Variants in GPR161 observed in about 807,000 individuals in gnomAD.
GPR161 encodes G-protein coupled receptor RE2.
Under a neutral mutation model 39.2 loss-of-function variants are expected in GPR161, and 25 were observed. The observed-to-expected ratio is 0.64, with a 90% CI of 0.47 to 0.89. The LOEUF is 0.89. Ranked by LOEUF, GPR161 falls within the 40% of genes least tolerant of loss-of-function variation. GPR161 has a pLI of 0.00. For synonymous variants in GPR161, 286 were observed against 276.6 expected, an observed-to-expected ratio of 1.03 and a Z score of -0.34; for missense variants, 547 against 677.8, an observed-to-expected ratio of 0.81 and a Z score of 2.14.
At chr1:168,099,050 G>A (rs373197203) in intron 2 of GPR161, among the ~76,000 whole-genome samples, 7 of 152,286 alleles carry the variant, frequency 4.6e-5, no homozygotes, top group East Asian at 3.9e-4. Context: ...GAAAAGGCCC[G>A]GATGGTGCCT....
At chr1:168,104,973 T>A in intron 1 of GPR161, 79 bp from the exon 2 acceptor site, 1 of 1,123,798 alleles carries the variant, frequency 8.9e-7, no homozygotes, top group Non-Finnish European at 1.3e-6. Context: ...AAGAAAGGCT[T>A]AAAGGGGTTA....
At chr1:168,090,261 C>T (rs2102110336) in intron 4 of GPR161, among the ~76,000 whole-genome samples, 1 of 152,292 alleles carries the variant, frequency 6.6e-6, no homozygotes, top group South Asian at 2.1e-4. Context: ...TTATTATCAT[C>T]ACAATCATTT....
intron 1 of GPR161, among the ~76,000 whole-genome samples, chr1:168,121,418 G>A (rs1397495229): frequency 3.9e-5 from 6 of 152,074 alleles, no homozygotes; most frequent in Admixed American, 1.3e-4. Flanking sequence ...ATAGACTGTC[G>A]GTGAATTTTT....
intron 3 of GPR161, among the ~76,000 whole-genome samples, chr1:168,095,669 C>A (rs1420239149): frequency 6.6e-6 from 1 of 152,010 alleles, no homozygotes; most frequent in Admixed American, 6.6e-5. Flanking sequence ...CTGGGACCAT[C>A]TGAGGAGATC....
At position 168,096,805 on chromosome 1, in the gene GPR161, C is replaced by T. The variant is rs766711218; in HGVS notation, c.802G>A (p.Ala268Thr). 19 of 1,614,148 alleles carry T rather than the reference C, an allele frequency of 1.2e-5. No individual in the cohort carries two copies. Among genetic ancestry groups the T allele is most frequent in the Non-Finnish European group, 1.6e-5 (19 of 1,180,028 alleles). The part of the protein sequence containing the change: ...GVVYSANQCK[A>T]LITILVVLGA... ...AGGACCACCAGGATGGTGATGAGGG[C>T]TTTGCACTGGTTGGCCGAGTAGACC... The change falls in exon 3 of 6, where the codon GCC becomes ACC. Residue 268 changes from alanine to threonine, a missense_variant. Physicochemically the swap from Ala to Thr is moderately conservative, Grantham distance 58. Coordinates refer to ENST00000682931, the MANE Select transcript of GPR161 (RefSeq NM_001375883.1).
chr1:168,122,907 G>C lies in GPR161; in HGVS notation c.-45+13832C>G, dbSNP rs568511611. Among the ~76,000 whole-genome samples, 5 of 152,254 alleles carry C rather than the reference G, an allele frequency of 3.3e-5. No homozygotes were observed. In the South Asian group the frequency reaches 8.3e-4, roughly 25 times the overall value. ...AGACTGTAGGTTCCATGAGGGCAAG[G>C]AAATTTTGGTCTGCAAATTTTCCGA... On this transcript the variant is annotated intron_variant, in intron 1 of 5. Transcript: ENST00000682931.
intron 1 of GPR161, among the ~76,000 whole-genome samples, chr1:168,132,314 G>A (rs534387154): frequency 9.9e-4 from 150 of 151,620 alleles, no homozygotes; most frequent in African/African-American, 3.4e-3. Flanking sequence ...CAAGCCGGGC[G>A]CTGTGGCTCT....
In GPR161 at chr1:168,083,972, CAG is replaced by C. The variant is rs1694248025; in HGVS notation, c.*1557_*1558del. 6.6e-6 allele frequency: 1 copy of C among 152,290 alleles called. No individual in the cohort carries two copies. The highest frequency in any genetic ancestry group is 2.4e-5 in the African/African-American group (1 of 41,464). The allele number at this position is 152,290 out of a possible 1,614,324, so 9.4% of individuals were successfully genotyped here. Reference sequence around the variant, plus strand: ...GGAATCTACCTTCTGCCAACCAAAGCAGAGAAGTCCTGAACTTATTTAGTCAT... The same window carrying C: ...GGAATCTACCTTCTGCCAACCAAAGCAGAAGTCCTGAACTTATTTAGTCAT... On this transcript the variant is annotated 3_prime_UTR_variant, in exon 6 of 6. Coordinates refer to ENST00000682931, the MANE Select transcript of GPR161 (RefSeq NM_001375883.1).
At chr1:168,105,203 A>G (rs1696496867) in intron 1 of GPR161, among the ~76,000 whole-genome samples, 1 of 152,182 alleles carries the variant, frequency 6.6e-6, no homozygotes, top group African/African-American at 2.4e-5. Context: ...CCAGTTTAGA[A>G]AGCTGATCCT....
At chr1:168,093,878 C>G (rs1329518394) in intron 3 of GPR161, among the ~76,000 whole-genome samples, 1 of 152,230 alleles carries the variant, frequency 6.6e-6, no homozygotes, top group Non-Finnish European at 1.5e-5. Context: ...CAGACTCTTA[C>G]TGATGCTGCT....
chr1:168,104,790 C>T lies in GPR161; in HGVS notation c.61G>A (p.Gly21Ser), dbSNP rs764626711. 1 of 1,613,758 alleles carries T rather than the reference C, an allele frequency of 6.2e-7. No homozygotes were observed. The highest frequency in any genetic ancestry group is 8.5e-7 in the Non-Finnish European group (1 of 1,179,818). Residue 21 changes from glycine to serine, a missense_variant, in exon 2 of 6, where the codon GGT becomes AGT. Gly to Ser is a moderately conservative substitution (Grantham distance 56, BLOSUM62 0). Coordinates refer to ENST00000682931, the MANE Select transcript of GPR161 (RefSeq NM_001375883.1). ...KELSNLTEEE[G>S]GEGGVIITQF... The stretch of plus-strand genomic sequence containing the variant: ...GTGATGATGACGCCCCCTTCGCCAC[C>T]CTCCTCCTCAGTGAGATTACTCAGC...
intron 1 of GPR161, among the ~76,000 whole-genome samples, chr1:168,132,996 C>T (rs1250854409): frequency 1.3e-5 from 2 of 152,184 alleles, no homozygotes; most frequent in Admixed American, 6.5e-5. Flanking sequence ...CTGCCTGCCT[C>T]GGCCTCCCAA....
At chr1:168,101,455 G>A (rs1056576412) in intron 2 of GPR161, among the ~76,000 whole-genome samples, 1 of 152,180 alleles carries the variant, frequency 6.6e-6, no homozygotes, top group African/African-American at 2.4e-5. Flanking sequence ...GGCTCGAAAT[G>A]TCAACAGTGC....
At chr1:168,119,251 T>TGTGTAC (rs1269554458) in intron 1 of GPR161, among the ~76,000 whole-genome samples, 16 of 117,386 alleles carry the variant, frequency 1.4e-4, no homozygotes, top group South Asian at 2.5e-4. Flanking sequence ...TACACATATA[T>TGTGTAC]ATATACGTAT....
In GPR161 at chr1:168,096,871, TG is replaced by T; in HGVS notation, c.735del (p.Thr246ProfsTer77). The T allele has an allele frequency of 6.2e-7, 1 of 1,613,706 alleles. No homozygotes were observed. Among genetic ancestry groups the T allele is most frequent in the Non-Finnish European group, 8.5e-7 (1 of 1,179,934 alleles). ...QRTGRKNSST[S>X]TSSSGSRRNA... is the part of the protein sequence containing the mutation. ...TTCCTCCTGCTGCCTGAAGAGGAGG[TG>T]GAGGTGCTGGAGTTCTTCCTCCCGG... is the stretch of plus-strand genomic sequence containing the variant. On this transcript the variant is annotated frameshift_variant, in exon 3 of 6. Coordinates refer to ENST00000682931, the MANE Select transcript of GPR161 (RefSeq NM_001375883.1). LOFTEE classifies it high-confidence loss of function.
intron 1 of GPR161, among the ~76,000 whole-genome samples, chr1:168,135,713 G>T (rs1699302755): frequency 2.0e-5 from 3 of 152,222 alleles, no homozygotes; most frequent in Admixed American, 2.0e-4. Context: ...GAGCCACAAG[G>T]ATGGCCATCC....
chr1:168,109,310 T>C (rs1431091198), intron 1 of GPR161, among the ~76,000 whole-genome samples: 1 of 152,052 alleles, frequency 6.6e-6, no homozygotes, highest in Non-Finnish European at 1.5e-5. Flanking sequence ...TTAAAAAAAG[T>C]CAAACTTGAA....
At chr1:168,094,055 A>C (rs551356154) in intron 3 of GPR161, among the ~76,000 whole-genome samples, 2 of 151,968 alleles carry the variant, frequency 1.3e-5, no homozygotes, top group East Asian at 3.9e-4. Flanking sequence ...AGATGAGACC[A>C]CCAGCTGCCT....
chr1:168,136,388 C>A, intron 1 of GPR161: 1 of 1,415,190 alleles, frequency 7.1e-7, no homozygotes, highest in South Asian at 1.5e-5. Context: ...CGCACCTACG[C>A]CCTCCCATCC....
Sources: gnomAD v4.1 joint callset for allele counts (sites outside exome capture counted in the v4.1 genomes callset) on GRCh38, gnomAD v4.1.1 for gene constraint, MANE v1.5 for transcripts, NCBI Gene and HGNC (gene_info 2026-07-23, HGNC 2026-07-21) for gene names.